Variants in DOCK4 observed in about 807,000 individuals in gnomAD.
The protein encoded by DOCK4 is dedicator of cytokinesis protein 4.
DOCK4 carries 97 observed loss-of-function variants against 268.1 expected under a neutral mutation model. That is an observed-to-expected ratio of 0.36 (90% CI 0.31 to 0.43). The LOEUF (loss-of-function observed/expected upper bound fraction) is 0.43. DOCK4 is among the 20% of genes least tolerant of loss of function. The pLI is 1.00. For synonymous variants in DOCK4, 954 were observed against 887.2 expected (o/e 1.08, Z -1.34); for missense variants, 2,145 against 2,455.7 (o/e 0.87, Z 2.67).
intron 1 of DOCK4, among the ~76,000 whole-genome samples, chr7:112,151,141 T>C (rs1031775795): frequency 6.6e-6 from 1 of 152,186 alleles, no homozygotes; most frequent in Admixed American, 6.5e-5. Context: ...TACACAGCTC[T>C]GAAGCAGTTT....
chr7:111,791,081 T>TATATATATATATATATATAA (rs1799500069), intron 30 of DOCK4, among the ~76,000 whole-genome samples: 4 of 134,178 alleles, frequency 3.0e-5, no homozygotes, highest in African/African-American at 1.1e-4. Flanking sequence ...TATATATATA[T>TATATATATATATATATATAA]ATATATATAT....
intron 12 of DOCK4, among the ~76,000 whole-genome samples, chr7:111,924,379 C>T (rs1439357484): frequency 6.6e-6 from 1 of 152,088 alleles, no homozygotes; most frequent in Non-Finnish European, 1.5e-5. Flanking sequence ...ATGTGATATG[C>T]TAGTAGCCTA....
Position 111,935,608 on chromosome 7 carries a change from C to T in DOCK4, c.998G>A (p.Trp333Ter). ...GATGATGTTCTCATGGATTTGGTAC[C>T]ACTCACTCTCTGTGTTACACCTATG... is the stretch of plus-strand genomic sequence containing the variant. ...KVYMCNTESE[W>*]YQIHENIIKK... Residue 333 changes from tryptophan (W) to a stop codon, truncating the protein, a stop_gained, in exon 12 of 53, where the codon TGG becomes TAG. Transcript: ENST00000428084. LOFTEE classifies it high-confidence loss of function. The T allele has an allele frequency of 6.2e-7, 1 of 1,613,786 alleles. No individual in the cohort carries two copies. Among genetic ancestry groups the T allele is most frequent in the Non-Finnish European group, 8.5e-7 (1 of 1,179,804 alleles).
chr7:111,844,406 C>T (rs1460611663), intron 25 of DOCK4, among the ~76,000 whole-genome samples: 2 of 152,150 alleles, frequency 1.3e-5, no homozygotes, highest in African/African-American at 4.8e-5. Flanking sequence ...GCCCTGACTC[C>T]TATTACTCTG....
chr7:111,862,068 A>G (rs1805580483), intron 23 of DOCK4, among the ~76,000 whole-genome samples: 1 of 152,124 alleles, frequency 6.6e-6, no homozygotes, highest in African/African-American at 2.4e-5. Context: ...TGGGAGGCCA[A>G]GGTGGACGGA....
chr7:111,923,553 T>G (rs1793336002), intron 12 of DOCK4, among the ~76,000 whole-genome samples: 1 of 152,242 alleles, frequency 6.6e-6, no homozygotes, highest in Non-Finnish European at 1.5e-5. Context: ...CTTTCACTTC[T>G]TTTATCTGGG....
At chr7:111,775,102 G>T (rs1798361866) in intron 36 of DOCK4, among the ~76,000 whole-genome samples, 1 of 152,178 alleles carries the variant, frequency 6.6e-6, no homozygotes, top group Non-Finnish European at 1.5e-5. Flanking sequence ...AAGATTTCTA[G>T]GCAACAGAAT....
chr7:112,051,122 A>G lies in DOCK4; in HGVS notation c.38-46991T>C, dbSNP rs531915697. ...ACTATACAATACTGTGCTTACACCT[A>G]GAACAAATGAGTGGAACACTAAAAA... On this transcript the variant is annotated intron_variant, in intron 1 of 52. Transcript: ENST00000428084. Among the ~76,000 whole-genome samples the G allele has an allele frequency of 6.6e-5, 10 of 152,288 alleles. 1 individual carries two copies. The South Asian group carries it at 2.1e-3, about 32-fold the overall frequency.
intron 8 of DOCK4, among the ~76,000 whole-genome samples, chr7:111,964,057 A>G (rs1171872341): frequency 1.8e-3 from 253 of 141,994 alleles, no homozygotes; most frequent in African/African-American, 6.6e-3. Flanking sequence ...ACCCATCTGT[A>G]CATCACCATC....
At chr7:111,793,540 T>C (rs1799694177) in intron 30 of DOCK4, among the ~76,000 whole-genome samples, 1 of 152,250 alleles carries the variant, frequency 6.6e-6, no homozygotes, top group Non-Finnish European at 1.5e-5. Context: ...CCTTATTGTA[T>C]ATTGTATGTG....
chr7:111,865,282 C>G (rs1805879349), intron 22 of DOCK4, among the ~76,000 whole-genome samples: 2 of 152,208 alleles, frequency 1.3e-5, no homozygotes, highest in South Asian at 4.1e-4. Context: ...CTAACAAGAA[C>G]AGTCATTAGC....
rs115784610 is a variant in DOCK4 at position 112,011,302 on chromosome 7, A to G, written c.38-7171T>C. On this transcript the variant is annotated intron_variant, in intron 1 of 52. Transcript: ENST00000428084. ...AGGACTTCCTGCTAAATACCCTGCA[A>G]GCCAATCTCCATCTCAGGGTCTGCT... Among the ~76,000 whole-genome samples the G allele has an allele frequency of 3.3e-3, 510 of 152,340 alleles. 3 individuals carry two copies. The highest frequency in any genetic ancestry group is 0.012 in the African/African-American group (489 of 41,584).
rs528925436 is a variant in DOCK4, at chr7:111,830,404, C to T, written c.2835+4184G>A. ...TTGAGCCACTGCACTCCAGCCTGGGCGACAGAGCGAGACTCATTCTCAAAA... is the reference window on the plus strand; with the variant it reads ...TTGAGCCACTGCACTCCAGCCTGGGTGACAGAGCGAGACTCATTCTCAAAA... On this transcript the variant is annotated intron_variant, in intron 26 of 52. Coordinates refer to ENST00000428084, the MANE Select transcript of DOCK4 (RefSeq NM_001363540.2). Among the ~76,000 whole-genome samples the T allele has an allele frequency of 2.6e-3, 388 of 151,542 alleles. 4 individuals are homozygous for T. The South Asian group carries it at 0.035, about 14-fold the overall frequency.
intron 23 of DOCK4, among the ~76,000 whole-genome samples, chr7:111,859,760 G>T (rs1027721942): frequency 2.3e-4 from 35 of 151,486 alleles, no homozygotes; most frequent in African/African-American, 8.5e-4. Flanking sequence ...GTAGAGACGG[G>T]GTTTCACCGT....
intron 35 of DOCK4, among the ~76,000 whole-genome samples, chr7:111,778,653 C>T (rs1798601429): frequency 1.3e-5 from 2 of 152,130 alleles, no homozygotes; most frequent in South Asian, 4.1e-4. Flanking sequence ...GCCTGTTCAA[C>T]TAAAAAATAT....
intron 8 of DOCK4, among the ~76,000 whole-genome samples, chr7:111,961,410 C>A (rs1341549704): frequency 6.6e-6 from 1 of 152,212 alleles, no homozygotes; most frequent in Non-Finnish European, 1.5e-5. Flanking sequence ...CAACACTTCA[C>A]TTACTCTTAC....
At chr7:111,774,917 G>A (rs963493131) in intron 36 of DOCK4, among the ~76,000 whole-genome samples, 6 of 152,162 alleles carry the variant, frequency 3.9e-5, no homozygotes, top group Non-Finnish European at 5.9e-5. Context: ...AAGTGGGCAC[G>A]GGTGAGCTGT....
chr7:112,003,165 G>A (rs1243051851), intron 2 of DOCK4, among the ~76,000 whole-genome samples: 1 of 152,140 alleles, frequency 6.6e-6, no homozygotes, highest in African/African-American at 2.4e-5. Flanking sequence ...AGGATCACTT[G>A]AGGCCAAGAG....
chr7:112,095,209 G>A (rs981932855), intron 1 of DOCK4, among the ~76,000 whole-genome samples: 1 of 152,150 alleles, frequency 6.6e-6, no homozygotes, highest in Admixed American at 6.5e-5. Context: ...GCAAGGAGGA[G>A]TCAAAGAAAG....
Sources: gnomAD v4.1 joint callset for allele counts (sites outside exome capture counted in the v4.1 genomes callset) on GRCh38, gnomAD v4.1.1 for gene constraint, MANE v1.5 for transcripts, NCBI Gene and HGNC (gene_info 2026-07-23, HGNC 2026-07-21) for gene names.